Variants in ADAM19 observed in about 807,000 individuals in gnomAD.
ADAM19 encodes the protein ADAM metallopeptidase domain 19, also known as disintegrin and metalloproteinase domain-containing protein 19.
ADAM19 carries 65 observed loss-of-function variants against 114.7 expected under a neutral mutation model. That is an observed-to-expected ratio of 0.57 (90% CI 0.46 to 0.70). The LOEUF (loss-of-function observed/expected upper bound fraction) is 0.70. ADAM19 is among the 30% of genes least tolerant of loss of function. The pLI is 0.00. For synonymous variants in ADAM19, 466 were observed against 460.5 expected (o/e 1.01, Z -0.15); for missense variants, 1,063 against 1,204.7 (o/e 0.88, Z 1.74).
At chr5:157,505,272 A>G (rs1251879682) in intron 11 of ADAM19, among the ~76,000 whole-genome samples, 1 of 151,994 alleles carries the variant, frequency 6.6e-6, no homozygotes, top group Non-Finnish European at 1.5e-5. Flanking sequence ...GTTACATCGG[A>G]GCTTTCAGTG....
rs973413971 is a variant in ADAM19 at position 157,482,018 on chromosome 5, G to A, written c.2551-75C>T. On this transcript the variant is annotated intron_variant, in intron 21 of 22. Coordinates refer to ENST00000257527, the MANE Select transcript of ADAM19 (RefSeq NM_033274.5). ...AGAAAATATCCCTGATATCTTACAG[G>A]TTAAAATCAGATAGATAAAAGTTAT... 7.0e-5 allele frequency: 85 copies of A among 1,210,340 alleles called. 1 individual carries two copies. The highest frequency in any genetic ancestry group is 5.3e-5 in the Non-Finnish European group (46 of 875,916). The allele number at this position is 1,210,340 out of a possible 1,614,324, so 75.0% of individuals were successfully genotyped here.
chr5:157,571,256 C>G (rs981241244), intron 1 of ADAM19, among the ~76,000 whole-genome samples: 3 of 152,156 alleles, frequency 2.0e-5, no homozygotes, highest in South Asian at 4.1e-4. Flanking sequence ...AAGTTGGGGT[C>G]ATGGAGTAAA....
rs1214487586 is a variant in ADAM19, at chr5:157,546,031, C to T, written c.252-8040G>A. Among the ~76,000 whole-genome samples, 4 of 152,344 alleles carry T rather than the reference C, an allele frequency of 2.6e-5. No individual in the cohort carries two copies. The East Asian group carries it at 7.7e-4, about 29-fold the overall frequency. ...CCCTCCACAAACATGTATGGAGGTC[C>T]GTGATGTGCAGGCACTATGCTAGGG... On this transcript the variant is annotated intron_variant, in intron 3 of 22. Coordinates refer to ENST00000257527, the MANE Select transcript of ADAM19 (RefSeq NM_033274.5).
intron 9 of ADAM19, among the ~76,000 whole-genome samples, chr5:157,508,268 A>G (rs1360833731): frequency 6.6e-6 from 1 of 152,246 alleles, no homozygotes; most frequent in Non-Finnish European, 1.5e-5. Context: ...GGATAAGCCA[A>G]AGTTTAAATG....
intron 8 of ADAM19, among the ~76,000 whole-genome samples, chr5:157,512,664 A>C (rs1438005203): frequency 3.3e-5 from 5 of 152,252 alleles, no homozygotes; most frequent in Non-Finnish European, 7.3e-5. Context: ...AAATTCAAAA[A>C]TGTAGGTATT....
chr5:157,495,619 A>G (rs914853629), intron 14 of ADAM19, among the ~76,000 whole-genome samples: 1 of 152,090 alleles, frequency 6.6e-6, no homozygotes, highest in Non-Finnish European at 1.5e-5. Context: ...TATCTAATAA[A>G]GAATGGAAGC....
At chr5:157,564,584 T>C (rs868488338) in intron 2 of ADAM19, 141 bp from the exon 3 acceptor site, 1 of 732,862 alleles carries the variant, frequency 1.4e-6, no homozygotes, top group Non-Finnish European at 2.4e-6. Context: ...CCAGCCCACA[T>C]GTAAAATGAC....
intron 5 of ADAM19, among the ~76,000 whole-genome samples, chr5:157,522,857 G>A (rs1175579621): frequency 1.3e-5 from 2 of 152,160 alleles, no homozygotes; most frequent in African/African-American, 2.4e-5. Flanking sequence ...TCCAGTGATG[G>A]TGCCAGCAGC....
chr5:157,514,487 C>T (rs548984152), intron 7 of ADAM19, among the ~76,000 whole-genome samples: 16 of 152,154 alleles, frequency 1.1e-4, no homozygotes, highest in Non-Finnish European at 1.5e-4. Flanking sequence ...CCACCATGGC[C>T]AGCTAATTTT....
chr5:157,509,149 G>A (rs1219916204), intron 9 of ADAM19, 152 bp downstream of exon 9: 28 of 663,284 alleles, frequency 4.2e-5, no homozygotes, highest in South Asian at 6.0e-5. Context: ...GGTACAGAGC[G>A]CATGTTTAGG....
intron 3 of ADAM19, among the ~76,000 whole-genome samples, chr5:157,559,880 C>T (rs1230922079): frequency 6.6e-6 from 1 of 152,128 alleles, no homozygotes; most frequent in Admixed American, 6.5e-5. Context: ...TATCCCACTG[C>T]CCACTATTTC....
At chr5:157,555,893 C>A (rs1331865986) in intron 3 of ADAM19, among the ~76,000 whole-genome samples, 1 of 152,210 alleles carries the variant, frequency 6.6e-6, no homozygotes, top group Non-Finnish European at 1.5e-5. Context: ...CTAATCTCTG[C>A]CTCTGTGATC....
chr5:157,530,333 T>C (rs1756589562), intron 5 of ADAM19, among the ~76,000 whole-genome samples: 9 of 152,162 alleles, frequency 5.9e-5, no homozygotes. Flanking sequence ...CCTGCTGAAA[T>C]GATGCAAACT....
Position 157,479,752 on chromosome 5 carries a change from G to C in ADAM19, c.*1197C>G. 1 of 985,686 alleles carries C rather than the reference G, an allele frequency of 1.0e-6. No individual in the cohort carries two copies. The highest frequency in any genetic ancestry group is 4.7e-5 in the South Asian group (1 of 21,284). The allele number at this position is 985,686 out of a possible 1,614,324, so 61.1% of individuals were successfully genotyped here. A position where few individuals can be genotyped will look rare whatever the true frequency, so the allele number is the denominator to read the frequency against. ...GCTGCTGCTGGCTGCCTTCTCCAGT[G>C]ATCTCGGGCAGCTCCCAGAAATGGG... On this transcript the variant is annotated 3_prime_UTR_variant, in exon 23 of 23. Transcript: ENST00000257527.
At chr5:157,551,441 A>C (rs886467213) in intron 3 of ADAM19, among the ~76,000 whole-genome samples, 1 of 151,788 alleles carries the variant, frequency 6.6e-6, no homozygotes, top group Admixed American at 6.6e-5. Context: ...AGACCAAAAA[A>C]ACTAAGACCT....
Position 157,479,317 on chromosome 5 carries a change from A to T in ADAM19, c.*1632T>A. 1 of 985,958 alleles carries T rather than the reference A, an allele frequency of 1.0e-6. No individual in the cohort carries two copies. Among genetic ancestry groups the T allele is most frequent in the Non-Finnish European group, 1.2e-6 (1 of 830,040 alleles). 61.1% of individuals were successfully genotyped at this position (985,958 alleles called of 1,614,324 possible). On this transcript the variant is annotated 3_prime_UTR_variant, in exon 23 of 23. Transcript: ENST00000257527. Reference sequence around the variant, plus strand: ...CTATTGTGTGCAGAGAACTATAAGGAGGCCCTGGGGTGGTGAATCAGAAGC... The same window carrying T: ...CTATTGTGTGCAGAGAACTATAAGGTGGCCCTGGGGTGGTGAATCAGAAGC...
At chr5:157,566,297 G>A (rs1757660939) in intron 2 of ADAM19, 1 of 152,036 alleles carries the variant, frequency 6.6e-6, no homozygotes, top group Admixed American at 6.6e-5. Context: ...TAGTCATAAA[G>A]CTCAAAATAC....
intron 1 of ADAM19, chr5:157,572,414 C>T (rs903119562): frequency 2.3e-5 from 8 of 348,126 alleles, no homozygotes; most frequent in Middle Eastern, 3.9e-4. Context: ...GACTGGTCTC[C>T]GTAGTGTTCC....
intron 3 of ADAM19, among the ~76,000 whole-genome samples, chr5:157,554,026 T>C (rs776943810): frequency 2.0e-5 from 3 of 152,036 alleles, no homozygotes; most frequent in Non-Finnish European, 2.9e-5. Context: ...TATTTCCAAG[T>C]GAAAAAAAAT....
Sources: allele counts gnomAD v4.1 joint callset (sites outside exome capture counted in the v4.1 genomes callset), GRCh38; gene constraint gnomAD v4.1.1; transcripts MANE v1.5; gene names NCBI Gene and HGNC (gene_info 2026-07-23, HGNC 2026-07-21).